The following ZDHHC14 variants were observed in gnomAD, a reference collection of about 807,000 sequenced individuals.
The protein encoded by ZDHHC14 is palmitoyltransferase ZDHHC14.
A neutral mutation model predicts 47.7 loss-of-function variants in ZDHHC14; 16 were observed. The observed-to-expected ratio is 0.34, with a 90% CI of 0.23 to 0.51. The LOEUF (loss-of-function observed/expected upper bound fraction) is 0.51, where lower values mean the gene tolerates loss of function less well. Ranked by LOEUF, ZDHHC14 falls within the 20% of genes least tolerant of loss-of-function variation. The probability of loss-of-function intolerance (pLI) is 0.97; values close to 1 mark genes in which losing one functional copy is unlikely to be tolerated. For synonymous variants in ZDHHC14, 293 were observed against 278.9 expected, an observed-to-expected ratio of 1.05 and a Z score of -0.50; for missense variants, 515 against 662.5, an observed-to-expected ratio of 0.78 and a Z score of 2.44.
chr6:157,418,930 T>G (rs1778042179), intron 1 of ZDHHC14, among the ~76,000 whole-genome samples: 1 of 152,208 alleles, frequency 6.6e-6, no homozygotes, highest in African/African-American at 2.4e-5. Context: ...AATTCAGTTA[T>G]TATATTGGAC....
At chr6:157,483,868 T>C (rs539477643) in intron 1 of ZDHHC14, among the ~76,000 whole-genome samples, 7 of 152,196 alleles carry the variant, frequency 4.6e-5, no homozygotes, top group African/African-American at 1.7e-4. Context: ...TCTTTCTGTG[T>C]AGTTAAAAAT....
At chr6:157,625,955 A>G in intron 3 of ZDHHC14, among the ~76,000 whole-genome samples, 1 of 152,156 alleles carries the variant, frequency 6.6e-6, no homozygotes, top group East Asian at 1.9e-4. Flanking sequence ...AGACTCCACG[A>G]GCAACTGTCT....
chr6:157,499,905 G>A (rs1780156622), intron 1 of ZDHHC14, among the ~76,000 whole-genome samples: 2 of 149,058 alleles, frequency 1.3e-5, no homozygotes, highest in African/African-American at 4.9e-5. Context: ...AATATTCTAG[G>A]TGCTAAATAA....
At chr6:157,408,980 A>G (rs948741017) in intron 1 of ZDHHC14, among the ~76,000 whole-genome samples, 16 of 152,140 alleles carry the variant, frequency 1.1e-4, no homozygotes, top group Non-Finnish European at 2.1e-4. Context: ...ATTGCATCTG[A>G]GTTCCAGACA....
intron 1 of ZDHHC14, among the ~76,000 whole-genome samples, chr6:157,540,910 G>GTGTGTGTGTGTGTATA (rs1284429244): frequency 6.5e-5 from 8 of 122,992 alleles, no homozygotes; most frequent in South Asian, 2.3e-4. Flanking sequence ...GTGTGTGTGT[G>GTGTGTGTGTGTGTATA]TATATATATA....
At chr6:157,450,264 C>CCTTGG (rs1778772387) in intron 1 of ZDHHC14, among the ~76,000 whole-genome samples, 4 of 151,708 alleles carry the variant, frequency 2.6e-5, no homozygotes, top group Admixed American at 2.6e-4. Flanking sequence ...CACGGTAACA[C>CCTTGG]CTTGGGTAAA....
intron 4 of ZDHHC14, among the ~76,000 whole-genome samples, chr6:157,629,237 T>G (rs188834553): frequency 6.6e-6 from 1 of 152,238 alleles, no homozygotes; most frequent in Non-Finnish European, 1.5e-5. Flanking sequence ...CAATAGAAAG[T>G]GATGAGAAGG....
intron 2 of ZDHHC14, among the ~76,000 whole-genome samples, chr6:157,553,549 G>A (rs191601413): frequency 5.3e-5 from 8 of 151,618 alleles, no homozygotes; most frequent in East Asian, 3.9e-4. Context: ...ATCACCCTCC[G>A]AACCCCTGTC....
intron 2 of ZDHHC14, among the ~76,000 whole-genome samples, chr6:157,572,440 A>G (rs888943943): frequency 1.3e-5 from 2 of 152,226 alleles, no homozygotes; most frequent in East Asian, 3.8e-4. Flanking sequence ...TTCTGGGTTT[A>G]TCTGGCCTCC....
chr6:157,522,477 C>T (rs1248768122), intron 1 of ZDHHC14, among the ~76,000 whole-genome samples: 6 of 152,080 alleles, frequency 3.9e-5, no homozygotes, highest in Admixed American at 2.6e-4. Context: ...GGAATCTTGC[C>T]TGTGGTCCCT....
intron 5 of ZDHHC14, among the ~76,000 whole-genome samples, chr6:157,641,235 A>G (rs1247280633): frequency 6.6e-6 from 1 of 152,152 alleles, no homozygotes; most frequent in African/African-American, 2.4e-5. Flanking sequence ...TGCACATATT[A>G]CTGTGTCTCT....
At chr6:157,535,564 T>G (rs1044806797) in intron 1 of ZDHHC14, among the ~76,000 whole-genome samples, 2 of 152,200 alleles carry the variant, frequency 1.3e-5, no homozygotes, top group African/African-American at 4.8e-5. Context: ...CAGCTTGCTT[T>G]GCTCATATTT....
chr6:157,526,199 T>C (rs1259801117), intron 1 of ZDHHC14, among the ~76,000 whole-genome samples: 2 of 152,246 alleles, frequency 1.3e-5, no homozygotes, highest in African/African-American at 4.8e-5. Flanking sequence ...GAGGCTTTGC[T>C]AAGGGTCTCC....
chr6:157,547,189 CGT>C (rs1236707244), intron 2 of ZDHHC14, among the ~76,000 whole-genome samples: 3 of 152,202 alleles, frequency 2.0e-5, no homozygotes, highest in Non-Finnish European at 4.4e-5. Context: ...CGCACGTGCA[CGT>C]GTGTGTGTGT....
chr6:157,503,616 T>C (rs1276480440), intron 1 of ZDHHC14, among the ~76,000 whole-genome samples: 1 of 152,214 alleles, frequency 6.6e-6, no homozygotes, highest in Non-Finnish European at 1.5e-5. Flanking sequence ...TTCATCCTCC[T>C]ATTGAATTTT....
At chr6:157,492,206 G>GCCCCGC (rs1554261213) in intron 1 of ZDHHC14, among the ~76,000 whole-genome samples, 1 of 82,480 alleles carries the variant, frequency 1.2e-5, no homozygotes, top group Admixed American at 1.3e-4. Context: ...CTCCGCCCCC[G>GCCCCGC]CCCCCCAGCC....
In ZDHHC14 at chr6:157,674,999, C is replaced by T. The variant is rs1036735771; in HGVS notation, c.*1877C>T. The T allele has an allele frequency of 1.3e-5, 2 of 152,254 alleles. No homozygotes were observed. Among genetic ancestry groups the T allele is most frequent in the African/African-American group, 4.8e-5 (2 of 41,456 alleles). 9.4% of individuals were successfully genotyped at this position (152,254 alleles called of 1,614,324 possible). On this transcript the variant is annotated 3_prime_UTR_variant, in exon 9 of 9. Transcript: ENST00000359775. ...CCGCACACGCTCACAGGCACCAACT[C>T]ACAGGGATTCTCCTTGTCCACGCTA...
chr6:157,417,378 T>G (rs1220504118), intron 1 of ZDHHC14, among the ~76,000 whole-genome samples: 2 of 146,176 alleles, frequency 1.4e-5, no homozygotes, highest in African/African-American at 5.1e-5. Flanking sequence ...CTGTACTCTG[T>G]TTTTTGTCAA....
At chr6:157,433,018 C>T (rs774261767) in intron 1 of ZDHHC14, among the ~76,000 whole-genome samples, 5 of 152,256 alleles carry the variant, frequency 3.3e-5, no homozygotes, top group East Asian at 1.9e-4. Flanking sequence ...GCTCTGCTGC[C>T]GTCGCCATGG....
Sources: allele counts gnomAD v4.1 joint callset (sites outside exome capture counted in the v4.1 genomes callset), GRCh38; gene constraint gnomAD v4.1.1; transcripts MANE v1.5; gene names NCBI Gene and HGNC (gene_info 2026-07-23, HGNC 2026-07-21).